The following SRRT variants were observed in gnomAD, a reference collection of about 807,000 sequenced individuals.
The protein encoded by SRRT is serrate RNA effector molecule homolog.
Under a neutral mutation model 103.2 loss-of-function variants are expected in SRRT, and 32 were observed. That is an observed-to-expected ratio of 0.31 (90% CI 0.23 to 0.42). SRRT has a LOEUF of 0.42. Ranked by LOEUF, SRRT falls within the 10% of genes least tolerant of loss-of-function variation. The pLI is 1.00. For missense variants in SRRT, 986 were observed against 1,207.5 expected (o/e 0.82, Z 2.72); for synonymous variants, 525 against 449.0 (o/e 1.17, Z -2.14).
Position 100,881,648 on chromosome 7 carries a change from C to A in SRRT, c.252-11C>A. On this transcript the variant is annotated splice_polypyrimidine_tract_variant and intron_variant, in intron 3 of 19. Transcript: ENST00000611405. ...CCTTCTCTGCTTTACTTTTGTGTCC[C>A]CCACCTTCAGGGATGAGCACAGCTC... 6.2e-7 allele frequency: 1 copy of A among 1,613,956 alleles called. No homozygotes were observed. The highest frequency in any genetic ancestry group is 8.5e-7 in the Non-Finnish European group (1 of 1,179,996).
rs764546628 is a variant in SRRT at position 100,884,561 on chromosome 7, C to T, written c.942+9C>T. ...AGGAAGACGGCAAGCAGGTCCGAGC[C>T]CTGGGTCTCCTAGTGTTGTCCCTGG... On this transcript the variant is annotated intron_variant, in intron 7 of 19. Transcript: ENST00000611405. 2 of 1,601,906 alleles carry T rather than the reference C, an allele frequency of 1.2e-6. No individual in the cohort carries two copies. Among genetic ancestry groups the T allele is most frequent in the Admixed American group, 1.7e-5 (1 of 58,704 alleles).
At position 100,887,274 on chromosome 7, in the gene SRRT, T is replaced by C. The variant is rs1310132993; in HGVS notation, c.1976-46T>C. 2 of 1,610,300 alleles carry C rather than the reference T, an allele frequency of 1.2e-6. No homozygotes were observed. Among genetic ancestry groups the C allele is most frequent in the Non-Finnish European group, 1.7e-6 (2 of 1,177,250 alleles). ...TCCAGCCCCTTGCCACCATCCTTCCTTCTGGCTCCCTTGCCAACCTTCCTT... is the reference window on the plus strand; with the variant it reads ...TCCAGCCCCTTGCCACCATCCTTCCCTCTGGCTCCCTTGCCAACCTTCCTT... On this transcript the variant is annotated intron_variant, in intron 15 of 19. Transcript: ENST00000611405. The surrounding 1 kb of genome is among the most constrained non-coding windows in gnomAD (Gnocchi z 4.1).
chr7:100,884,936 G>A lies in SRRT; in HGVS notation c.1055G>A (p.Arg352Gln), dbSNP rs1789942321. The A allele has an allele frequency of 8.1e-6, 13 of 1,614,034 alleles. No homozygotes were observed. Among genetic ancestry groups the A allele is most frequent in the Non-Finnish European group, 1.0e-5 (12 of 1,179,972 alleles). The change falls in exon 9 of 20, where the codon CGG (arginine) becomes CAG (glutamine). Residue 352 changes from arginine (R) to glutamine (Q), a missense_variant. Physicochemically the swap from Arg to Gln is conservative, Grantham distance 43. Coordinates refer to ENST00000611405, the MANE Select transcript of SRRT (RefSeq NM_015908.6). ...TGGCTCACACAGAGTAGCAAGAAGC[G>A]GAACCGGAAGCACAGTGGTGACGAC... ...EKEAKKSSKK[R>Q]NRKHSGDDSF...
In SRRT at chr7:100,885,803, C is replaced by T. The variant is rs754155164; in HGVS notation, c.1379+41C>T. 21 of 1,613,378 alleles carry T rather than the reference C, an allele frequency of 1.3e-5. No homozygotes were observed. Among genetic ancestry groups the T allele is most frequent in the East Asian group, 4.5e-5 (2 of 44,890 alleles). ...CGTTGGAGGGAAAAGTGCAGGGGAA[C>T]GTTAATGGCCAACACCAACTCCCTC... On this transcript the variant is annotated intron_variant, in intron 11 of 19. Coordinates refer to ENST00000611405, the MANE Select transcript of SRRT (RefSeq NM_015908.6). This position sits in a 1 kb window ranked among gnomAD's most constrained non-coding sequence, Gnocchi z 4.8.
In SRRT at chr7:100,885,567, T is replaced by A; in HGVS notation, c.1318-134T>A. Reference sequence around the variant, plus strand: ...GTGCTGGTGTTCTGAAGCCCTTTAGTGGTTTTTCCCTGCCCAAGGATGGGA... The same window carrying A: ...GTGCTGGTGTTCTGAAGCCCTTTAGAGGTTTTTCCCTGCCCAAGGATGGGA... On this transcript the variant is annotated intron_variant, in intron 10 of 19. Transcript: ENST00000611405. The surrounding 1 kb of genome is among the most constrained non-coding windows in gnomAD (Gnocchi z 4.8). The A allele has an allele frequency of 8.8e-7, 1 of 1,140,500 alleles. No individual in the cohort carries two copies. Among genetic ancestry groups the A allele is most frequent in the African/African-American group, 1.6e-5 (1 of 64,510 alleles). 70.6% of individuals were successfully genotyped at this position (1,140,500 alleles called of 1,614,324 possible). A position where few individuals can be genotyped will look rare whatever the true frequency, so the allele number is the denominator to read the frequency against.
At position 100,885,766 on chromosome 7, in the gene SRRT, A is replaced by G; in HGVS notation, c.1379+4A>G. ...CAGAGCCCCAGCCAGAGAGGAGGTG[A>G]GTAACTCGGTGCGTTGGAGGGAAAA... On this transcript the variant is annotated splice_donor_region_variant and intron_variant, in intron 11 of 19. Coordinates refer to ENST00000611405, the MANE Select transcript of SRRT (RefSeq NM_015908.6). This position sits in a 1 kb window ranked among gnomAD's most constrained non-coding sequence, Gnocchi z 4.8. 6.2e-7 allele frequency: 1 copy of G among 1,614,138 alleles called. No individual in the cohort carries two copies. Among genetic ancestry groups the G allele is most frequent in the Non-Finnish European group, 8.5e-7 (1 of 1,180,012 alleles).
In SRRT at chr7:100,886,929, G is replaced by A. The variant is rs760183917; in HGVS notation, c.1782G>A (p.Pro594=). ...PPEEPPKEGN[P]AEINVERDEK... The stretch of plus-strand genomic sequence containing the variant: ...AGGAGCCTCCTAAGGAAGGGAACCC[G>A]GCAGAGATCAACGTGGAGCGGGATG... Residue 594 remains proline (P), a synonymous_variant, in exon 14 of 20, where the codon CCG becomes CCA. Transcript: ENST00000611405. The A allele has an allele frequency of 1.2e-5, 20 of 1,613,294 alleles. No individual in the cohort carries two copies. Among genetic ancestry groups the A allele is most frequent in the Middle Eastern group, 1.7e-4 (1 of 6,054 alleles).
Position 100,884,369 on chromosome 7 carries a change from C to T in SRRT, c.759C>T (p.Ala253=), listed in dbSNP as rs143459147. The T allele has an allele frequency of 2.4e-4, 382 of 1,613,160 alleles. 2 individuals are homozygous for T. The Middle Eastern group carries it at 7.4e-3, about 31-fold the overall frequency. The change falls in exon 7 of 20, where the codon GCC becomes GCT. Residue 253 remains alanine (A), a splice_region_variant and synonymous_variant. Transcript: ENST00000611405. ...GACCTCTGTTCCCTTTGTTGGTAGC[C>T]GTGATTAAGATGGAAGGAGGCACGG... is the stretch of plus-strand genomic sequence containing the variant. The part of the protein sequence containing the change: ...ADAIVKMLDA[A]VIKMEGGTEN...
intron 5 of SRRT, among the ~76,000 whole-genome samples, chr7:100,883,455 T>C (rs1450962119): frequency 6.6e-6 from 1 of 152,190 alleles, no homozygotes; most frequent in Non-Finnish European, 1.5e-5. Context: ...TCCAGCCCTC[T>C]CCTCTCTCTC....
Position 100,882,186 on chromosome 7 carries a change from G to A in SRRT, c.532G>A (p.Asp178Asn), listed in dbSNP as rs1438886710. The A allele has an allele frequency of 6.2e-7, 1 of 1,614,176 alleles. No homozygotes were observed. Among genetic ancestry groups the A allele is most frequent in the Admixed American group, 1.7e-5 (1 of 60,012 alleles). ...AVKRYNDYKL[D>N]FRRQQMQDFF... The stretch of plus-strand genomic sequence containing the variant: ...CAAGCGCTATAATGACTACAAGCTG[G>A]ATTTCCGGAGGCAACAGATGCAGGA... The change falls in exon 5 of 20, where the codon GAT becomes AAT. Residue 178 changes from aspartate to asparagine, a missense_variant. By Grantham distance (23) the Asp-to-Asn change is conservative (BLOSUM62 1). Around this residue, in one of 6 missense-constraint regions of SRRT, gnomAD observed 274 missense variants for 358.5 expected, o/e 0.76. Coordinates refer to ENST00000611405, the MANE Select transcript of SRRT (RefSeq NM_015908.6). The surrounding 1 kb of genome is among the most constrained non-coding windows in gnomAD (Gnocchi z 4.2).
At position 100,886,884 on chromosome 7, in the gene SRRT, C is replaced by T. The variant is rs376494688; in HGVS notation, c.1737C>T (p.Ser579=). 6 of 1,614,130 alleles carry T rather than the reference C, an allele frequency of 3.7e-6. No individual in the cohort carries two copies. The highest frequency in any genetic ancestry group is 5.1e-6 in the Non-Finnish European group (6 of 1,179,992). The stretch of plus-strand genomic sequence containing the variant: ...CCGAGGAGGAGGAGCTGCTGGGGAG[C>T]AGCGGGGGCGCTCCTCCTGAGGAGC... The part of the protein sequence containing the change: ...VSAEEEELLG[S]SGGAPPEEPP... Residue 579 remains serine, a synonymous_variant, in exon 14 of 20, where the codon AGC becomes AGT. Coordinates refer to ENST00000611405, the MANE Select transcript of SRRT (RefSeq NM_015908.6).
rs549944482 is a variant in SRRT, at chr7:100,885,550, G to A, written c.1318-151G>A. The A allele has an allele frequency of 1.7e-5, 18 of 1,081,352 alleles. No homozygotes were observed. In the African/African-American group the frequency reaches 2.5e-4, roughly 15 times the overall value. The allele number at this position is 1,081,352 out of a possible 1,614,324, so 67.0% of individuals were successfully genotyped here. A position where few individuals can be genotyped will look rare whatever the true frequency, so the allele number is the denominator to read the frequency against. On this transcript the variant is annotated intron_variant, in intron 10 of 19. Transcript: ENST00000611405. The surrounding 1 kb of genome is among the most constrained non-coding windows in gnomAD (Gnocchi z 4.8). Reference sequence around the variant, plus strand: ...GCGCCATTGGCTTTCAGGTGCTGGTGTTCTGAAGCCCTTTAGTGGTTTTTC... The same window carrying A: ...GCGCCATTGGCTTTCAGGTGCTGGTATTCTGAAGCCCTTTAGTGGTTTTTC...
intron 2 of SRRT, among the ~76,000 whole-genome samples, chr7:100,877,799 C>T (rs1254688012): frequency 1.3e-5 from 2 of 152,074 alleles, no homozygotes; most frequent in African/African-American, 2.4e-5. Context: ...GGATTACAGG[C>T]CCGCGTTAGT....
rs977874582 is a variant in SRRT at position 100,882,466 on chromosome 7, A to G, written c.587+225A>G. 3 of 495,416 alleles carry G rather than the reference A, an allele frequency of 6.1e-6. No individual in the cohort carries two copies. The highest frequency in any genetic ancestry group is 5.9e-5 in the African/African-American group (3 of 51,032). 30.7% of individuals were successfully genotyped at this position (495,416 alleles called of 1,614,324 possible). On this transcript the variant is annotated intron_variant, in intron 5 of 19. Transcript: ENST00000611405. The surrounding 1 kb of genome is among the most constrained non-coding windows in gnomAD (Gnocchi z 4.2). ...TGTCCTGCTGTCCTCAGAGAGTGGG[A>G]CACCTCCAGGCAGCAGGCCAGAGCC...
In SRRT at chr7:100,887,958, A is replaced by C. The variant is rs146687848; in HGVS notation, c.2327-84A>C. On this transcript the variant is annotated intron_variant, in intron 17 of 19. Transcript: ENST00000611405. The surrounding 1 kb of genome is among the most constrained non-coding windows in gnomAD (Gnocchi z 4.1). ...TGTCACCCCGAGAAGTTTCTGCCCC[A>C]TCCTCAGGCCATAGCCCTAGAAGTC... 2.0e-4 allele frequency: 300 copies of C among 1,534,920 alleles called. 2 individuals are homozygous for C. The African/African-American group carries it at 3.1e-3, about 16-fold the overall frequency.
In SRRT at chr7:100,887,460, C is replaced by G; in HGVS notation, c.2116C>G (p.Gln706Glu). 3 of 1,614,146 alleles carry G rather than the reference C, an allele frequency of 1.9e-6. No individual in the cohort carries two copies. The highest frequency in any genetic ancestry group is 2.5e-6 in the Non-Finnish European group (3 of 1,180,032). ...GGAGAAGTTCGTCACCTCCAACACG[C>G]AGGAACTGGGCAAGGATAAGTGGCT... ...EVEKFVTSNTQELGKDKWLCP... is the reference protein window; with the variant it reads ...EVEKFVTSNTEELGKDKWLCP... The change falls in exon 16 of 20, where the codon CAG becomes GAG. Residue 706 changes from glutamine (Q) to glutamate (E), a missense_variant. Around this residue, in one of 6 missense-constraint regions of SRRT, gnomAD observed 349 missense variants for 446.9 expected, o/e 0.78. Transcript: ENST00000611405. The surrounding 1 kb of genome is among the most constrained non-coding windows in gnomAD (Gnocchi z 4.1).
At position 100,887,774 on chromosome 7, in the gene SRRT, C is replaced by T. The variant is rs371033958; in HGVS notation, c.2241C>T (p.Val747=). The change falls in exon 17 of 20, where the codon GTC becomes GTT. Residue 747 remains valine (V), a synonymous_variant. Transcript: ENST00000611405. The surrounding 1 kb of genome is among the most constrained non-coding windows in gnomAD (Gnocchi z 4.1). ...AAATTGAGGAAGTGAAAAAGGAAGT[C>T]GCGTTTTTTAACAACTTCCTCACTG... ...AEKIEEVKKE[V]AFFNNFLTDA... The T allele has an allele frequency of 1.4e-5, 23 of 1,613,508 alleles. No homozygotes were observed. The highest frequency in any genetic ancestry group is 5.3e-5 in the African/African-American group (4 of 74,858).
chr7:100,885,105 G>C lies in SRRT; in HGVS notation c.1159+65G>C, dbSNP rs780410967. On this transcript the variant is annotated intron_variant, in intron 9 of 19. Coordinates refer to ENST00000611405, the MANE Select transcript of SRRT (RefSeq NM_015908.6). This position sits in a 1 kb window ranked among gnomAD's most constrained non-coding sequence, Gnocchi z 4.8. ...GCGGGTGGGGAGGTGAGAGGTTGGC[G>C]ACATTGACGGGAGGGTGGGTGGCTT... 9.3e-6 allele frequency: 15 copies of C among 1,605,272 alleles called. No individual in the cohort carries two copies. Among genetic ancestry groups the C allele is most frequent in the Non-Finnish European group, 1.3e-5 (15 of 1,174,654 alleles).
At position 100,875,346 on chromosome 7, in the gene SRRT, C is replaced by T. The variant is rs1815563665; in HGVS notation, c.-19+18C>T. ...GCACCAAGGTGGGGGAGGGGAGGAGCCTGGGGGGCCCCGCTGGGGCGGGAG... is the reference window on the plus strand; with the variant it reads ...GCACCAAGGTGGGGGAGGGGAGGAGTCTGGGGGGCCCCGCTGGGGCGGGAG... On this transcript the variant is annotated intron_variant, in intron 1 of 19. Coordinates refer to ENST00000611405, the MANE Select transcript of SRRT (RefSeq NM_015908.6). The T allele has an allele frequency of 1.6e-6, 2 of 1,271,062 alleles. No individual in the cohort carries two copies. Among genetic ancestry groups the T allele is most frequent in the Non-Finnish European group, 2.0e-6 (2 of 993,830 alleles). 78.7% of individuals were successfully genotyped at this position (1,271,062 alleles called of 1,614,324 possible).
Sources: gnomAD v4.1 joint callset for allele counts (sites outside exome capture counted in the v4.1 genomes callset) on GRCh38, gnomAD v4.1.1 for gene constraint, gnomAD v4.1.1 regional missense constraint, Gnocchi (gnomAD v3.1) non-coding constraint, MANE v1.5 for transcripts, NCBI Gene and HGNC (gene_info 2026-07-23, HGNC 2026-07-21) for gene names.